PTPN3: variants seen among roughly 807,000 people sequenced by gnomAD.
PTPN3 encodes the protein protein tyrosine phosphatase non-receptor type 3.
Under a neutral mutation model 132.7 loss-of-function variants are expected in PTPN3, and 96 were observed. The ratio of observed to expected loss-of-function variants is 0.72; its 90% CI spans 0.61 to 0.86. PTPN3 has a LOEUF of 0.86. Among genes scored for constraint, PTPN3 ranks in the 40% least tolerant of loss-of-function variants. The pLI is 0.00. For synonymous variants in PTPN3, 398 were observed against 429.0 expected, an observed-to-expected ratio of 0.93 and a Z score of 0.89; for missense variants, 1,125 against 1,159.6, an observed-to-expected ratio of 0.97 and a Z score of 0.43.
At chr9:109,436,737 C>T (rs532304916) in intron 9 of PTPN3, 146 bp downstream of exon 9, 850 of 1,252,054 alleles carry the variant, frequency 6.8e-4, no homozygotes, top group Non-Finnish European at 7.6e-4. Context: ...ACAAAAAATT[C>T]AGCATTACTT....
rs371372947 is a variant in PTPN3, at chr9:109,391,540, C to T, written c.1975G>A (p.Gly659Ser). 2.5e-6 allele frequency: 4 copies of T among 1,613,774 alleles called. No homozygotes were observed. Among genetic ancestry groups the T allele is most frequent in the Non-Finnish European group, 3.4e-6 (4 of 1,179,890 alleles). Residue 659 changes from glycine (G) to serine (S), a missense_variant, in exon 20 of 26, where the codon GGT (glycine) becomes AGT (serine). Physicochemically the swap from Gly to Ser is moderately conservative, Grantham distance 56. Transcript: ENST00000374541. The part of the protein sequence containing the change: ...QFEQLYRKKP[G>S]LAITFAKLPQ... ...AGCTTTGCAAACGTGATGGCCAAAC[C>T]TGGCTTTTTTCTGTAGAGTTGCTAT...
At chr9:109,384,140 G>C (rs1839360001) in intron 22 of PTPN3, among the ~76,000 whole-genome samples, 1 of 152,142 alleles carries the variant, frequency 6.6e-6, no homozygotes. Flanking sequence ...CTCAACGCTG[G>C]TGAGGCGGCC....
intron 10 of PTPN3, among the ~76,000 whole-genome samples, chr9:109,431,827 G>A (rs963451924): frequency 1.3e-5 from 2 of 152,066 alleles, no homozygotes; most frequent in African/African-American, 4.8e-5. Context: ...TGTCACTCTG[G>A]ACAGGTTCTT....
chr9:109,468,023 A>G (rs1326223164), intron 1 of PTPN3, among the ~76,000 whole-genome samples: 2 of 152,186 alleles, frequency 1.3e-5, no homozygotes, highest in Non-Finnish European at 2.9e-5. Context: ...ATAACCCAAT[A>G]ATTGAGCCAT....
Position 109,391,876 on chromosome 9 carries a change from G to C in PTPN3, c.1954-315C>G, listed in dbSNP as rs139470068. 1.3e-4 allele frequency among the ~76,000 whole-genome samples: 13 copies of C among 102,718 alleles called. 2 individuals carry two copies. Among genetic ancestry groups the C allele is most frequent in the East Asian group, 9.9e-4 (3 of 3,034 alleles). 67.4% of individuals were successfully genotyped at this position (102,718 alleles called of 152,430 possible). A position where few individuals can be genotyped will look rare whatever the true frequency, so the allele number is the denominator to read the frequency against. On this transcript the variant is annotated intron_variant, in intron 19 of 25. Transcript: ENST00000374541. ...AGCTAAAAGCAACTAGATGTGGGGG[G>C]GGGGGGGAAGAATTCTGGCTCAAAA...
At chr9:109,439,318 G>A (rs578175299) in intron 7 of PTPN3, among the ~76,000 whole-genome samples, 3 of 152,082 alleles carry the variant, frequency 2.0e-5, no homozygotes, top group South Asian at 2.1e-4. Flanking sequence ...TGGGGCAACC[G>A]ATCTCGTATT....
At chr9:109,470,896 T>C (rs1012264092) in intron 1 of PTPN3, among the ~76,000 whole-genome samples, 1 of 152,120 alleles carries the variant, frequency 6.6e-6, no homozygotes, top group Non-Finnish European at 1.5e-5. Flanking sequence ...AAATGCAGAT[T>C]CTTGGTTACC....
chr9:109,480,448 G>T (rs952701420), intron 1 of PTPN3, among the ~76,000 whole-genome samples: 8 of 152,200 alleles, frequency 5.3e-5, no homozygotes, highest in African/African-American at 1.9e-4. Context: ...ACAAGTGGGA[G>T]CCACTGCGCC....
chr9:109,503,793 C>T, the PTPN3 span, among the ~76,000 whole-genome samples: 3 of 151,776 alleles, frequency 2.0e-5, no homozygotes, highest in African/African-American at 7.3e-5. Context: ...AATTTGAGTA[C>T]AAGAGCAGTG....
the PTPN3 span, chr9:109,533,739 T>C: frequency 1.4e-6 from 2 of 1,445,222 alleles, no homozygotes; most frequent in East Asian, 2.3e-5. Context: ...GGTCTCCGCA[T>C]GTAGGAAGGT....
chr9:109,527,191 T>C, the PTPN3 span, among the ~76,000 whole-genome samples: 1 of 152,234 alleles, frequency 6.6e-6, no homozygotes, highest in East Asian at 1.9e-4. Flanking sequence ...CTGGGTGTGG[T>C]GGCTCACACC....
chr9:109,443,391 T>G (rs1844630460), intron 7 of PTPN3, among the ~76,000 whole-genome samples: 1 of 152,124 alleles, frequency 6.6e-6, no homozygotes, highest in South Asian at 2.1e-4. Context: ...CTTCAGTTTT[T>G]GTAGAGACAG....
intron 1 of PTPN3, among the ~76,000 whole-genome samples, chr9:109,491,499 C>T (rs1003083991): frequency 6.7e-6 from 1 of 150,322 alleles, no homozygotes; most frequent in Non-Finnish European, 1.5e-5. Flanking sequence ...TGAATTGTAT[C>T]AAAATAAAAC....
the PTPN3 span, among the ~76,000 whole-genome samples, chr9:109,525,476 A>G: frequency 6.6e-6 from 1 of 152,236 alleles, no homozygotes; most frequent in Admixed American, 6.5e-5. Context: ...AGCTTTTAAA[A>G]GATACCCAAT....
chr9:109,497,800 C>A (rs1847739444), intron 1 of PTPN3, among the ~76,000 whole-genome samples: 1 of 151,984 alleles, frequency 6.6e-6, no homozygotes, highest in Non-Finnish European at 1.5e-5. Context: ...CAGCCGCTCT[C>A]GGCTAGCTCC....
intron 1 of PTPN3, among the ~76,000 whole-genome samples, chr9:109,474,635 C>A (rs574805834): frequency 2.3e-4 from 35 of 152,184 alleles, no homozygotes; most frequent in South Asian, 4.1e-4. Context: ...GGGGAAAATG[C>A]ACGCATGGTA....
chr9:109,424,358 C>T (rs529137515), intron 12 of PTPN3, among the ~76,000 whole-genome samples: 1 of 152,328 alleles, frequency 6.6e-6, no homozygotes, highest in African/African-American at 2.4e-5. Flanking sequence ...GAAGCTGGCA[C>T]AGGTAGTAAA....
At chr9:109,463,988 T>C (rs1185831502) in intron 1 of PTPN3, among the ~76,000 whole-genome samples, 1 of 152,104 alleles carries the variant, frequency 6.6e-6, no homozygotes, top group Non-Finnish European at 1.5e-5. Context: ...TGAGAGGAAG[T>C]AACAGAAAAC....
At chr9:109,407,284 G>A (rs765849646) in intron 17 of PTPN3, among the ~76,000 whole-genome samples, 1 of 152,102 alleles carries the variant, frequency 6.6e-6, no homozygotes, top group Non-Finnish European at 1.5e-5. Context: ...CGACTTGGGA[G>A]GCAGAGGCAG....
Sources: allele counts gnomAD v4.1 joint callset (sites outside exome capture counted in the v4.1 genomes callset), GRCh38; gene constraint gnomAD v4.1.1; transcripts MANE v1.5; gene names NCBI Gene and HGNC (gene_info 2026-07-23, HGNC 2026-07-21).